The following LIX1L variants were observed in gnomAD, a reference collection of about 807,000 sequenced individuals.
The protein encoded by LIX1L is LIX1-like protein.
LIX1L carries 20 observed loss-of-function variants against 34.0 expected under a neutral mutation model. The observed-to-expected ratio is 0.59, with a 90% CI of 0.41 to 0.85. The LOEUF is 0.85. LIX1L is among the 40% of genes least tolerant of loss of function. LIX1L has a pLI of 0.00. For missense variants in LIX1L, 397 were observed against 447.0 expected, an observed-to-expected ratio of 0.89 and a Z score of 1.01; for synonymous variants, 170 against 187.4, an observed-to-expected ratio of 0.91 and a Z score of 0.76.
At chr1:145,941,552 C>T (rs892880314) in intron 3 of LIX1L, among the ~76,000 whole-genome samples, 3 of 152,034 alleles carry the variant, frequency 2.0e-5, no homozygotes, top group South Asian at 4.2e-4. Flanking sequence ...TGCACCTGGC[C>T]TGTAATTACA....
rs1648630237 is a variant in LIX1L at position 145,936,122 on chromosome 1, T to TGA, written c.*187_*188insTC. 2 of 648,562 alleles carry TGA rather than the reference T, an allele frequency of 3.1e-6. No individual in the cohort carries two copies. Among genetic ancestry groups the TGA allele is most frequent in the African/African-American group, 3.7e-5 (2 of 54,652 alleles). 40.2% of individuals were successfully genotyped at this position (648,562 alleles called of 1,614,324 possible). The stretch of plus-strand genomic sequence containing the variant: ...GGACTGAAGATGTTTCAAATAAAAC[T>TGA]ACATCCAAAAACTGGTAGTAAGAAA... On this transcript the variant is annotated 3_prime_UTR_variant, in exon 6 of 6. Coordinates refer to ENST00000604000, the MANE Select transcript of LIX1L (RefSeq NM_153713.3).
At chr1:145,942,681 A>G (rs782812066) in intron 3 of LIX1L, 32 bp downstream of exon 3, 67 of 1,608,950 alleles carry the variant, frequency 4.2e-5, no homozygotes, top group Non-Finnish European at 5.4e-5. Context: ...CCCATCTCCC[A>G]CTCTCCTTCC....
At position 145,935,575 on chromosome 1, in the gene LIX1L, G is replaced by C. The variant is rs587601711; in HGVS notation, c.*735C>G. On this transcript the variant is annotated 3_prime_UTR_variant, in exon 6 of 6. Coordinates refer to ENST00000604000, the MANE Select transcript of LIX1L (RefSeq NM_153713.3). ...GATGTTTAGAGGGAATACTGAAAGAGAATCAGTTTCAACCATAACCCCCAT... is the reference window on the plus strand; with the variant it reads ...GATGTTTAGAGGGAATACTGAAAGACAATCAGTTTCAACCATAACCCCCAT... 1 of 152,490 alleles carries C rather than the reference G, an allele frequency of 6.6e-6. No individual in the cohort carries two copies. The highest frequency in any genetic ancestry group is 2.1e-4 in the South Asian group (1 of 4,832). 9.4% of individuals were successfully genotyped at this position (152,490 alleles called of 1,614,324 possible). A position where few individuals can be genotyped will look rare whatever the true frequency, so the allele number is the denominator to read the frequency against.
chr1:145,953,428 A>T (rs1286115034), intron 1 of LIX1L, among the ~76,000 whole-genome samples: 2 of 152,090 alleles, frequency 1.3e-5, no homozygotes, highest in Non-Finnish European at 2.9e-5. Context: ...GAATAGACTG[A>T]CTCTATTCAC....
intron 3 of LIX1L, chr1:145,941,022 G>A (rs1346132002): frequency 6.6e-6 from 1 of 152,012 alleles, no homozygotes; most frequent in Non-Finnish European, 1.5e-5. Flanking sequence ...TGACCTAAAA[G>A]TAGCAAATGT....
chr1:145,957,797 G>A lies in LIX1L; in HGVS notation c.131C>T (p.Pro44Leu), dbSNP rs12757916. 7.4e-7 allele frequency: 1 copy of A among 1,351,338 alleles called. No homozygotes were observed. The highest frequency in any genetic ancestry group is 1.9e-5 in the South Asian group (1 of 53,154). 83.7% of individuals were successfully genotyped at this position (1,351,338 alleles called of 1,614,324 possible). A position where few individuals can be genotyped will look rare whatever the true frequency, so the allele number is the denominator to read the frequency against. The change falls in exon 1 of 6, where the codon CCT (proline) becomes CTT (leucine). Residue 44 changes from proline (P) to leucine (L), a missense_variant. This residue lies in a region of LIX1L where 207 missense variants were observed against 205.2 expected (regional missense o/e 1.01). Transcript: ENST00000604000. ...GGGCGGTGCGGGAGGCGGCGGGGCAGGCGGGGGGCCCGCAGGGGGTGTGGC... is the reference window on the plus strand; with the variant it reads ...GGGCGGTGCGGGAGGCGGCGGGGCAAGCGGGGGGCCCGCAGGGGGTGTGGC... The part of the protein sequence containing the change: ...ATATPPAGPP[P>L]APPPPAPPPP...
intron 2 of LIX1L, among the ~76,000 whole-genome samples, chr1:145,946,820 G>A (rs1382045796): frequency 1.3e-5 from 2 of 152,100 alleles, no homozygotes; most frequent in Admixed American, 1.3e-4. Flanking sequence ...TTGTCTAAGG[G>A]TTTCACAAAC....
chr1:145,936,385 G>A lies in LIX1L; in HGVS notation c.939C>T (p.Arg313=), dbSNP rs1553757797. Residue 313 remains arginine (R), a synonymous_variant, in exon 6 of 6, where the codon CGC becomes CGT. Coordinates refer to ENST00000604000, the MANE Select transcript of LIX1L (RefSeq NM_153713.3). ...DEARLAGKEL[R]FHKEKKDILV... is the part of the protein sequence containing the mutation. ...GAATATCTTTCTTCTCCTTGTGGAA[G>A]CGCAGCTCCTTGCCTGCCAGTCGGG... 1 of 1,614,144 alleles carries A rather than the reference G, an allele frequency of 6.2e-7. No individual in the cohort carries two copies. The highest frequency in any genetic ancestry group is 8.5e-7 in the Non-Finnish European group (1 of 1,180,032).
intron 1 of LIX1L, among the ~76,000 whole-genome samples, chr1:145,955,289 G>A (rs1649433692): frequency 6.6e-6 from 1 of 152,142 alleles, no homozygotes. Context: ...GGCAGATAAA[G>A]GACAGGAAAG....
At chr1:145,957,514 G>A in intron 1 of LIX1L, 122 bp downstream of exon 1, 1 of 1,300,258 alleles carries the variant, frequency 7.7e-7, no homozygotes, top group Non-Finnish European at 9.8e-7. Flanking sequence ...TAGCCCAGAA[G>A]GAAACTCCCC....
intron 1 of LIX1L, 103 bp from the exon 2 acceptor site, chr1:145,947,885 G>T: frequency 1.0e-6 from 1 of 965,010 alleles, no homozygotes; most frequent in Non-Finnish European, 1.6e-6. Context: ...TTAAGAGTCT[G>T]CCCCTTAGCT....
rs1570955283 is a variant in LIX1L, at chr1:145,934,057, TA to T, written c.*2252del. 6.6e-6 allele frequency: 1 copy of T among 152,378 alleles called. No individual in the cohort carries two copies. The highest frequency in any genetic ancestry group is 1.9e-4 in the East Asian group (1 of 5,206). The allele number at this position is 152,378 out of a possible 1,614,324, so 9.4% of individuals were successfully genotyped here. ...CTAAAAGCAAAGTCTGTATAATTGT[TA>T]AGTGGGAAGTCCAATTGCAGGAATA... is the stretch of plus-strand genomic sequence containing the variant. On this transcript the variant is annotated 3_prime_UTR_variant, in exon 6 of 6. Transcript: ENST00000604000.
At chr1:145,956,549 T>G (rs1402603442) in intron 1 of LIX1L, among the ~76,000 whole-genome samples, 4 of 152,160 alleles carry the variant, frequency 2.6e-5, no homozygotes, top group African/African-American at 7.2e-5. Context: ...TGTGTGCTCT[T>G]TTCACTAAAC....
chr1:145,936,984 T>C lies in LIX1L; in HGVS notation c.695A>G (p.Glu232Gly), dbSNP rs901892029. 1.9e-6 allele frequency: 3 copies of C among 1,609,228 alleles called. No individual in the cohort carries two copies. The highest frequency in any genetic ancestry group is 2.6e-6 in the Non-Finnish European group (3 of 1,175,632). ...TAGCAGTTGAAAAACTGTCATTAGCTCCTGGGGGAAGAGGATAGGAAGTAC... is the reference window on the plus strand; with the variant it reads ...TAGCAGTTGAAAAACTGTCATTAGCCCCTGGGGGAAGAGGATAGGAAGTAC... Reference protein sequence around the residue: ...NKGKSMLEFQELMTVFQLLHW... With the variant: ...NKGKSMLEFQGLMTVFQLLHW... Residue 232 changes from glutamate to glycine, a missense_variant and splice_region_variant, in exon 5 of 6, where the codon GAG (glutamate) becomes GGG (glycine). Glu to Gly is a moderately conservative substitution (Grantham distance 98, BLOSUM62 -2). Transcript: ENST00000604000.
In LIX1L at chr1:145,936,065, C is replaced by A. The variant is rs1425337677; in HGVS notation, c.*245G>T. 30 of 476,444 alleles carry A rather than the reference C, an allele frequency of 6.3e-5. No individual in the cohort carries two copies. Among genetic ancestry groups the A allele is most frequent in the Non-Finnish European group, 1.1e-4 (29 of 269,294 alleles). 29.5% of individuals were successfully genotyped at this position (476,444 alleles called of 1,614,324 possible). A position where few individuals can be genotyped will look rare whatever the true frequency, so the allele number is the denominator to read the frequency against. On this transcript the variant is annotated 3_prime_UTR_variant, in exon 6 of 6. Coordinates refer to ENST00000604000, the MANE Select transcript of LIX1L (RefSeq NM_153713.3). ...TCTGGAAGTTTAAGAGCTAACAAAG[C>A]TGCAAAGACAAGCTGCTCTTTGTTG...
Position 145,947,340 on chromosome 1 carries a change from T to C in LIX1L, c.456+279A>G, listed in dbSNP as rs587673214. 3.1e-5 allele frequency: 11 copies of C among 357,128 alleles called. No homozygotes were observed. In the South Asian group the frequency reaches 3.5e-4, roughly 11 times the overall value. 22.1% of individuals were successfully genotyped at this position (357,128 alleles called of 1,614,324 possible). ...TTGGAATGCAATAACTGAAGCCAGATTGGAACATGGGTTGGATGCTGGTAG... is the reference window on the plus strand; with the variant it reads ...TTGGAATGCAATAACTGAAGCCAGACTGGAACATGGGTTGGATGCTGGTAG... On this transcript the variant is annotated intron_variant, in intron 2 of 5. Transcript: ENST00000604000.
intron 2 of LIX1L, chr1:145,947,355 G>C (rs1553759355): frequency 5.1e-6 from 2 of 391,514 alleles, no homozygotes; most frequent in Non-Finnish European, 9.4e-6. Flanking sequence ...ACATGGGTTG[G>C]ATGCTGGTAG....
At chr1:145,953,034 CCT>C (rs1553759995) in intron 1 of LIX1L, among the ~76,000 whole-genome samples, 1 of 152,122 alleles carries the variant, frequency 6.6e-6, no homozygotes, top group Non-Finnish European at 1.5e-5. Flanking sequence ...ACCTCAGCTC[CCT>C]GAGTGGCTGG....
chr1:145,937,120 G>A (rs766774716), intron 4 of LIX1L, 135 bp from the exon 5 acceptor site: 236 of 371,154 alleles, frequency 6.4e-4, no homozygotes, highest in Non-Finnish European at 1.0e-3. Flanking sequence ...GGCCTTTGGG[G>A]AAGAAAAATA....
Sources: allele counts gnomAD v4.1 joint callset (sites outside exome capture counted in the v4.1 genomes callset), GRCh38; gene constraint gnomAD v4.1.1; regional missense constraint gnomAD v4.1.1; transcripts MANE v1.5; gene names NCBI Gene and HGNC (gene_info 2026-07-23, HGNC 2026-07-21).